Variants in MACROD2 observed in about 807,000 individuals in gnomAD.
MACROD2 encodes ADP-ribose glycohydrolase MACROD2.
MACROD2 carries 36 observed loss-of-function variants against 70.4 expected under a neutral mutation model. That is an observed-to-expected ratio of 0.51 (90% confidence interval 0.39 to 0.68). MACROD2 has a LOEUF of 0.68. Among genes scored for constraint, MACROD2 ranks in the 30% least tolerant of loss-of-function variants. The pLI, the probability that MACROD2 is intolerant of heterozygous loss-of-function variation, is 0.00. For synonymous variants in MACROD2, 172 were observed against 178.8 expected, an observed-to-expected ratio of 0.96 and a Z score of 0.30; for missense variants, 496 against 538.4, an observed-to-expected ratio of 0.92 and a Z score of 0.78.
intron 10 of MACROD2, among the ~76,000 whole-genome samples, chr20:15,907,139 A>G (rs1199935337): frequency 6.6e-6 from 1 of 152,210 alleles, no homozygotes; most frequent in Non-Finnish European, 1.5e-5. Context: ...GTACCCACCA[A>G]TTCTTCAAGG....
chr20:15,986,969 A>G, intron 14 of MACROD2, 97 bp from the exon 15 acceptor site: 2 of 1,229,030 alleles, frequency 1.6e-6, no homozygotes, highest in Non-Finnish European at 2.3e-6. Context: ...TTGAAGGGGG[A>G]AAAAAGAACT....
chr20:14,503,415 T>C (rs185834654), intron 4 of MACROD2, among the ~76,000 whole-genome samples: 159 of 152,234 alleles, frequency 1.0e-3, no homozygotes, highest in Non-Finnish European at 3.7e-4. Context: ...CCAAGTCAGA[T>C]TAGCTAAGAG....
At chr20:15,340,139 T>TTC (rs2078094417) in intron 6 of MACROD2, among the ~76,000 whole-genome samples, 1 of 89,216 alleles carries the variant, frequency 1.1e-5, no homozygotes, top group Admixed American at 1.2e-4. Context: ...TCTTTTTTTT[T>TTC]TTTTTTTTTT....
At chr20:14,355,273 T>G (rs1355080536) in intron 3 of MACROD2, among the ~76,000 whole-genome samples, 1 of 152,174 alleles carries the variant, frequency 6.6e-6, no homozygotes, top group East Asian at 1.9e-4. Context: ...ACTTGTAACC[T>G]ATCAAATTAT....
chr20:14,040,371 AG>A (rs2053375208), intron 2 of MACROD2, among the ~76,000 whole-genome samples: 1 of 152,226 alleles, frequency 6.6e-6, no homozygotes, highest in African/African-American at 2.4e-5. Flanking sequence ...AGAGTGTAAA[AG>A]AAAAAAGGTA....
chr20:14,719,476 A>G lies in MACROD2; in HGVS notation c.418+34517A>G, dbSNP rs1347465707. ...TCAGGAATAGGCAAGATAGAAAGAA[A>G]AAAAAAAAAAAGAAAGAAAGAAAGA... On this transcript the variant is annotated intron_variant, in intron 5 of 17. Transcript: ENST00000684519. Among the ~76,000 whole-genome samples the G allele has an allele frequency of 5.4e-5, 6 of 111,496 alleles. No homozygotes were observed. In the East Asian group the frequency reaches 1.2e-3, roughly 22 times the overall value. 73.1% of individuals were successfully genotyped at this position (111,496 alleles called of 152,430 possible). A position where few individuals can be genotyped will look rare whatever the true frequency, so the allele number is the denominator to read the frequency against.
chr20:15,718,349 A>G (rs1035010187), intron 8 of MACROD2, among the ~76,000 whole-genome samples: 7 of 152,176 alleles, frequency 4.6e-5, no homozygotes, highest in Non-Finnish European at 1.5e-5. Context: ...CCTTGCCATA[A>G]AAATATAGCT....
chr20:14,564,230 C>T (rs1466800553), intron 4 of MACROD2, among the ~76,000 whole-genome samples: 2 of 151,832 alleles, frequency 1.3e-5, no homozygotes, highest in African/African-American at 4.8e-5. Context: ...AAGACCAAAA[C>T]CAATAAAAGT....
At chr20:14,207,706 G>A (rs2327818) in intron 3 of MACROD2, among the ~76,000 whole-genome samples, 142,175 of 152,300 alleles carry the variant, frequency 0.93, 66,497 homozygotes, top group East Asian at 0.99. Flanking sequence ...CAGTGACAGC[G>A]AAGAACATTA....
chr20:15,500,576 T>A (rs931081024), intron 8 of MACROD2, among the ~76,000 whole-genome samples: 3 of 152,196 alleles, frequency 2.0e-5, no homozygotes, highest in South Asian at 4.1e-4. Flanking sequence ...TTCTTCTGAT[T>A]TTGTTTTTCT....
chr20:15,406,017 T>G (rs1489037365), intron 6 of MACROD2, among the ~76,000 whole-genome samples: 1 of 152,212 alleles, frequency 6.6e-6, no homozygotes, highest in South Asian at 2.1e-4. Context: ...TGTCTGCTAC[T>G]GTCTACCCAG....
intron 8 of MACROD2, among the ~76,000 whole-genome samples, chr20:15,828,467 T>C (rs2064021360): frequency 6.6e-6 from 1 of 152,162 alleles, no homozygotes; most frequent in South Asian, 2.1e-4. Context: ...CGTTCAAAGG[T>C]ACAAGGTAAC....
chr20:15,946,982 A>G (rs1013986179), intron 12 of MACROD2, among the ~76,000 whole-genome samples: 2 of 152,172 alleles, frequency 1.3e-5, no homozygotes, highest in Non-Finnish European at 2.9e-5. Context: ...CTATGCCTGG[A>G]TGTGCACATA....
At chr20:16,031,722 G>C (rs2067154271) in intron 15 of MACROD2, among the ~76,000 whole-genome samples, 1 of 152,084 alleles carries the variant, frequency 6.6e-6, no homozygotes, top group African/African-American at 2.4e-5. Context: ...ATATTAAAAT[G>C]CAATACTAAT....
chr20:14,061,930 G>C (rs926258027), intron 2 of MACROD2, among the ~76,000 whole-genome samples: 2 of 152,136 alleles, frequency 1.3e-5, no homozygotes, highest in African/African-American at 4.8e-5. Flanking sequence ...GTTTAAGAAT[G>C]ATCTTACAAC....
chr20:14,828,681 T>A (rs1271843861), intron 5 of MACROD2, among the ~76,000 whole-genome samples: 1 of 151,594 alleles, frequency 6.6e-6, no homozygotes, highest in Non-Finnish European at 1.5e-5. Flanking sequence ...GGATGGAGAG[T>A]CAGGAAAAGC....
intron 3 of MACROD2, among the ~76,000 whole-genome samples, chr20:14,089,609 C>A (rs545467667): frequency 1.3e-5 from 2 of 152,130 alleles, no homozygotes; most frequent in Admixed American, 1.3e-4. Context: ...GTATTATATT[C>A]TTCTCTCTAG....
intron 8 of MACROD2, among the ~76,000 whole-genome samples, chr20:15,592,441 G>A (rs1159081021): frequency 6.6e-6 from 1 of 152,188 alleles, no homozygotes; most frequent in Non-Finnish European, 1.5e-5. Context: ...TCTGAAATTA[G>A]GCAGGAAGGC....
chr20:16,030,462 A>G (rs964175444), intron 15 of MACROD2, among the ~76,000 whole-genome samples: 5 of 152,168 alleles, frequency 3.3e-5, no homozygotes, highest in African/African-American at 1.2e-4. Flanking sequence ...ACCTTGACTG[A>G]GAAAGAGAGG....
Sources: gnomAD v4.1 joint callset for allele counts (sites outside exome capture counted in the v4.1 genomes callset) on GRCh38, gnomAD v4.1.1 for gene constraint, MANE v1.5 for transcripts, NCBI Gene and HGNC (gene_info 2026-07-23, HGNC 2026-07-21) for gene names.